The following LONRF2 variants were observed in gnomAD, a reference collection of about 807,000 sequenced individuals.
LONRF2 encodes LON peptidase N-terminal domain and RING finger protein 2.
Under a neutral mutation model 66.6 loss-of-function variants are expected in LONRF2, and 35 were observed. The observed-to-expected ratio is 0.53, with a 90% CI of 0.40 to 0.70. The LOEUF is 0.70. LONRF2 is among the 30% of genes least tolerant of loss of function. The pLI is 0.00. For missense variants in LONRF2, 902 were observed against 1,002.1 expected (o/e 0.90, Z 1.35); for synonymous variants, 417 against 418.1 (o/e 1.00, Z 0.03).
intron 8 of LONRF2, 43 bp from the exon 9 acceptor site, chr2:100,294,430 T>C: frequency 2.0e-6 from 3 of 1,505,564 alleles, no homozygotes; most frequent in Non-Finnish European, 2.7e-6. Flanking sequence ...TATGAGCTGT[T>C]AGATCAGAGG....
At position 100,321,434 on chromosome 2, in the gene LONRF2, G is replaced by A. The variant is rs1322895492; in HGVS notation, c.660C>T (p.Cys220=). 8.1e-6 allele frequency: 12 copies of A among 1,485,288 alleles called. No individual in the cohort carries two copies. The highest frequency in any genetic ancestry group is 4.7e-5 in the Admixed American group (2 of 42,988). The allele number at this position is 1,485,288 out of a possible 1,614,324, so 92.0% of individuals were successfully genotyped here. ...ACTCACCCAGCTCCAGGGCCTGGTC[G>A]CACCTGAGCAGCGCGGCCTCCGGCT... ...QQQPEAALLR[C]DQALELAPDD... Residue 220 remains cysteine (C), a synonymous_variant, in exon 1 of 12, where the codon TGC becomes TGT. Coordinates refer to ENST00000393437, the MANE Select transcript of LONRF2 (RefSeq NM_198461.4).
chr2:100,309,531 A>G, intron 1 of LONRF2: 1 of 168,070 alleles, frequency 5.9e-6, no homozygotes, highest in Non-Finnish European at 1.3e-5. Context: ...CACACGAGCT[A>G]CATCATCTCC....
intron 9 of LONRF2, 23 bp downstream of exon 9, chr2:100,294,205 GA>G (rs1389929473): frequency 3.1e-6 from 5 of 1,603,098 alleles, no homozygotes; most frequent in Non-Finnish European, 4.3e-6. Context: ...AGGACCCTTT[GA>G]ACCAAATGCT....
At position 100,273,956 on chromosome 2, in the gene LONRF2, A is replaced by G. The variant is rs1228986678; in HGVS notation, c.*10342T>C. The G allele has an allele frequency of 6.6e-6, 1 of 152,206 alleles. No homozygotes were observed. The highest frequency in any genetic ancestry group is 1.9e-4 in the East Asian group (1 of 5,196). 9.4% of individuals were successfully genotyped at this position (152,206 alleles called of 1,614,324 possible). A position where few individuals can be genotyped will look rare whatever the true frequency, so the allele number is the denominator to read the frequency against. On this transcript the variant is annotated 3_prime_UTR_variant, in exon 12 of 12. Transcript: ENST00000393437. The stretch of plus-strand genomic sequence containing the variant: ...TTGTGTGTGGGGTAAACAGCATGAG[A>G]GAGAAGTCGGTCACTGGTTGAACTG...
intron 10 of LONRF2, among the ~76,000 whole-genome samples, chr2:100,287,763 A>C (rs1253865377): frequency 6.6e-6 from 1 of 152,184 alleles, no homozygotes; most frequent in Non-Finnish European, 1.5e-5. Flanking sequence ...TAGAGGAGGA[A>C]GAGCATGGGA....
rs753295903 is a variant in LONRF2 at position 100,278,561 on chromosome 2, C to T, written c.*5737G>A. The stretch of plus-strand genomic sequence containing the variant: ...TTGTCACCACTGATGTGGGGGCTTT[C>T]GCTGGTTTATGATCCAGAGACCCAG... On this transcript the variant is annotated 3_prime_UTR_variant, in exon 12 of 12. Coordinates refer to ENST00000393437, the MANE Select transcript of LONRF2 (RefSeq NM_198461.4). The T allele has an allele frequency of 6.6e-6, 1 of 152,186 alleles. No homozygotes were observed. Among genetic ancestry groups the T allele is most frequent in the African/African-American group, 2.4e-5 (1 of 41,438 alleles). 9.4% of individuals were successfully genotyped at this position (152,186 alleles called of 1,614,324 possible). A position where few individuals can be genotyped will look rare whatever the true frequency, so the allele number is the denominator to read the frequency against.
Position 100,321,516 on chromosome 2 carries a change from G to C in LONRF2, c.578C>G (p.Ala193Gly). The C allele has an allele frequency of 2.6e-6, 4 of 1,550,970 alleles. No homozygotes were observed. Among genetic ancestry groups the C allele is most frequent in the Non-Finnish European group, 3.4e-6 (4 of 1,160,612 alleles). ...TGCCAGCCTGCGCAGCCGGCACTCGGCCGGGAAGCACTTCTCCAGCAGGCC... is the reference window on the plus strand; with the variant it reads ...TGCCAGCCTGCGCAGCCGGCACTCGCCCGGGAAGCACTTCTCCAGCAGGCC... ...LSGLLEKCFP[A>G]ECRLRRLAGQ... Residue 193 changes from alanine to glycine, a missense_variant, in exon 1 of 12, where the codon GCC becomes GGC. Physicochemically the swap from Ala to Gly is moderately conservative, Grantham distance 60. Transcript: ENST00000393437.
intron 1 of LONRF2, among the ~76,000 whole-genome samples, chr2:100,312,449 A>G (rs1159035671): frequency 6.6e-6 from 1 of 152,114 alleles, no homozygotes; most frequent in Non-Finnish European, 1.5e-5. Context: ...TATCTTGTTC[A>G]TTATTCCTTT....
intron 1 of LONRF2, among the ~76,000 whole-genome samples, chr2:100,316,898 T>A (rs999166380): frequency 6.6e-6 from 1 of 152,218 alleles, no homozygotes; most frequent in Non-Finnish European, 1.5e-5. Flanking sequence ...TATTACACAT[T>A]TTTTTTCTGT....
At chr2:100,314,477 T>C (rs1225183830) in intron 1 of LONRF2, among the ~76,000 whole-genome samples, 1 of 152,202 alleles carries the variant, frequency 6.6e-6, no homozygotes, top group Non-Finnish European at 1.5e-5. Flanking sequence ...TTTAGACAGA[T>C]TGGCTTTTTC....
intron 1 of LONRF2, among the ~76,000 whole-genome samples, chr2:100,315,044 G>A (rs554072131): frequency 2.6e-4 from 39 of 152,192 alleles, no homozygotes; most frequent in Admixed American, 1.4e-3. Flanking sequence ...GAGAACTGAC[G>A]TCTTGCCAAT....
chr2:100,299,083 T>A, intron 6 of LONRF2, 133 bp from the exon 7 acceptor site: 1 of 846,140 alleles, frequency 1.2e-6, no homozygotes, highest in Non-Finnish European at 1.9e-6. Flanking sequence ...TCATTTTATA[T>A]CTTATTAAAT....
intron 1 of LONRF2, 103 bp downstream of exon 1, chr2:100,321,312 A>C (rs1388901418): frequency 1.9e-6 from 2 of 1,026,220 alleles, no homozygotes; most frequent in Non-Finnish European, 2.6e-6. Flanking sequence ...GCCTAGACAA[A>C]GCTCTCGAAA....
chr2:100,287,081 C>T lies in LONRF2; in HGVS notation c.1921-18G>A, dbSNP rs1178434203. On this transcript the variant is annotated intron_variant, in intron 10 of 11. Transcript: ENST00000393437. ...CCCTCCACCTGATCAGGGAAAGAGG[C>T]ACAGCTGTGTGAACCATTCACAGTA... The T allele has an allele frequency of 6.2e-7, 1 of 1,611,638 alleles. No homozygotes were observed. The highest frequency in any genetic ancestry group is 8.5e-7 in the Non-Finnish European group (1 of 1,178,896).
At chr2:100,298,239 T>C (rs1675111529) in intron 7 of LONRF2, among the ~76,000 whole-genome samples, 2 of 152,246 alleles carry the variant, frequency 1.3e-5, no homozygotes. Context: ...TACTCTTCAT[T>C]GTATTTACCA....
chr2:100,272,227 C>A lies in LONRF2; in HGVS notation c.*12071G>T, dbSNP rs541251112. On this transcript the variant is annotated 3_prime_UTR_variant, in exon 12 of 12. Coordinates refer to ENST00000393437, the MANE Select transcript of LONRF2 (RefSeq NM_198461.4). Reference sequence around the variant, plus strand: ...ATCAAAGAGTATGCAGGGTTAGGTGCAGTGGCTTATGCCTGCAATCTCACA... The same window carrying A: ...ATCAAAGAGTATGCAGGGTTAGGTGAAGTGGCTTATGCCTGCAATCTCACA... Among the ~76,000 whole-genome samples the A allele has an allele frequency of 2.9e-4, 44 of 152,336 alleles. No individual in the cohort carries two copies. Among genetic ancestry groups the A allele is most frequent in the South Asian group, 6.2e-4 (3 of 4,824 alleles).
intron 1 of LONRF2, among the ~76,000 whole-genome samples, chr2:100,311,045 C>A (rs1217202726): frequency 2.0e-5 from 3 of 152,134 alleles, no homozygotes; most frequent in African/African-American, 7.2e-5. Flanking sequence ...TGTATTTCAT[C>A]TTTGAAAATG....
chr2:100,314,345 A>G (rs930054370), intron 1 of LONRF2, among the ~76,000 whole-genome samples: 4 of 152,228 alleles, frequency 2.6e-5, no homozygotes, highest in African/African-American at 9.6e-5. Context: ...AGCACTAATT[A>G]TGTTGTGCAG....
intron 7 of LONRF2, among the ~76,000 whole-genome samples, chr2:100,296,058 CTT>C (rs938759341): frequency 6.6e-6 from 1 of 151,942 alleles, no homozygotes; most frequent in Non-Finnish European, 1.5e-5. Flanking sequence ...CAAAGGTTGA[CTT>C]TTTTTGGATT....
Sources: gnomAD v4.1 joint callset for allele counts (sites outside exome capture counted in the v4.1 genomes callset) on GRCh38, gnomAD v4.1.1 for gene constraint, MANE v1.5 for transcripts, NCBI Gene and HGNC (gene_info 2026-07-23, HGNC 2026-07-21) for gene names.